Variants in TDO2 observed in about 807,000 individuals in gnomAD.
TDO2 encodes tryptamin 2,3-dioxygenase.
A neutral mutation model predicts 61.2 loss-of-function variants in TDO2; 63 were observed. The ratio of observed to expected loss-of-function variants is 1.03; its 90% CI spans 0.84 to 1.27. The LOEUF (loss-of-function observed/expected upper bound fraction) is 1.27, where lower values mean the gene tolerates loss of function less well. TDO2 is among the 50% of genes most tolerant of loss of function. The pLI is 0.00. For synonymous variants in TDO2, 183 were observed against 164.0 expected, an observed-to-expected ratio of 1.12 and a Z score of -0.89; for missense variants, 494 against 469.5, an observed-to-expected ratio of 1.05 and a Z score of -0.48.
chr4:155,918,078 C>G, intron 10 of TDO2, 71 bp from the exon 11 acceptor site: 1 of 1,438,336 alleles, frequency 7.0e-7, no homozygotes, highest in Non-Finnish European at 9.7e-7. Flanking sequence ...ATTACCAACC[C>G]CTCATTGTTA....
chr4:155,914,312 T>C lies in TDO2; in HGVS notation c.727-11T>C. ...TCTCTCAGGACTATTAATGCCATAT[T>C]TTTCCTAAAGGCTAAAGAAGAGTCT... On this transcript the variant is annotated splice_polypyrimidine_tract_variant and intron_variant, in intron 7 of 11. Transcript: ENST00000536354. 1.3e-6 allele frequency: 2 copies of C among 1,592,652 alleles called. No homozygotes were observed. The highest frequency in any genetic ancestry group is 1.2e-5 in the South Asian group (1 of 86,584).
intron 5 of TDO2, among the ~76,000 whole-genome samples, chr4:155,909,499 T>C (rs182070487): frequency 6.6e-6 from 1 of 152,214 alleles, no homozygotes; most frequent in Admixed American, 6.5e-5. Flanking sequence ...GAAACTTCCA[T>C]TGGGTGTAGG....
chr4:155,914,627 T>C (rs1259592154), intron 8 of TDO2, among the ~76,000 whole-genome samples, 193 bp downstream of exon 8: 1 of 152,226 alleles, frequency 6.6e-6, no homozygotes, highest in Middle Eastern at 3.4e-3. Context: ...CCAGATTATT[T>C]GAAAAACATT....
rs375801975 is a variant in TDO2, at chr4:155,908,933, G to T, written c.350G>T (p.Arg117Leu). ...NMLKVVSRMH[R>L]VSVILKLLVQ... ...CTTAAGGTTGTTTCTCGGATGCACC[G>T]AGTGTCAGTGATCCTGAAACTGCTG... The change falls in exon 5 of 12, where the codon CGA (arginine) becomes CTA (leucine). Residue 117 changes from arginine (R) to leucine (L), a missense_variant. Physicochemically the swap from Arg to Leu is moderately radical, Grantham distance 102. Transcript: ENST00000536354. 79 of 1,612,968 alleles carry T rather than the reference G, an allele frequency of 4.9e-5. No individual in the cohort carries two copies. The highest frequency in any genetic ancestry group is 6.4e-5 in the Non-Finnish European group (75 of 1,179,648).
intron 2 of TDO2, among the ~76,000 whole-genome samples, 199 bp from the exon 3 acceptor site, chr4:155,904,867 AT>A (rs528599021): frequency 8.3e-4 from 126 of 152,224 alleles, no homozygotes; most frequent in African/African-American, 2.9e-3. Flanking sequence ...CCAAATAGAA[AT>A]TTTCTGAGAA....
rs747021950 is a variant in TDO2 at position 155,908,937 on chromosome 4, G to T, written c.354G>T (p.Val118=). The T allele has an allele frequency of 1.2e-6, 2 of 1,613,226 alleles. No individual in the cohort carries two copies. The highest frequency in any genetic ancestry group is 1.7e-5 in the Admixed American group (1 of 59,874). The change falls in exon 5 of 12, where the codon GTG becomes GTT. Residue 118 remains valine (V), a synonymous_variant. Transcript: ENST00000536354. ...MLKVVSRMHR[V]SVILKLLVQQ... is the part of the protein sequence containing the mutation. ...AGGTTGTTTCTCGGATGCACCGAGTGTCAGTGATCCTGAAACTGCTGGTGC... is the reference window on the plus strand; with the variant it reads ...AGGTTGTTTCTCGGATGCACCGAGTTTCAGTGATCCTGAAACTGCTGGTGC...
chr4:155,910,082 C>T lies in TDO2; in HGVS notation c.489C>T (p.Asn163=), dbSNP rs1185873521. The change falls in exon 6 of 12, where the codon AAC becomes AAT. Residue 163 remains asparagine, a synonymous_variant. Transcript: ENST00000536354. ...GTTTGCAATTCCGACTATTAGAAAA[C>T]AAGATAGGTGTTCTTCAGAACATGA... ...FQSLQFRLLE[N]KIGVLQNMRV... 8 of 1,593,050 alleles carry T rather than the reference C, an allele frequency of 5.0e-6. No individual in the cohort carries two copies. In the Admixed American group the frequency reaches 1.4e-4, roughly 29 times the overall value.
intron 3 of TDO2, chr4:155,905,477 A>C (rs3796551): frequency 0.12 from 26,140 of 225,064 alleles, 1,774 homozygotes; most frequent in South Asian, 0.2. Flanking sequence ...GGAACACTAA[A>C]AAACTATTTT....
rs767405354 is a variant in TDO2 at position 155,915,836 on chromosome 4, T to C, written c.839-19T>C. ...CCTTAAATGACCTAAAAAATTTAAA[T>C]TTAGTATGTATTTTGCAGGTGAAAG... On this transcript the variant is annotated intron_variant, in intron 8 of 11. Transcript: ENST00000536354. 5 of 1,596,798 alleles carry C rather than the reference T, an allele frequency of 3.1e-6. No homozygotes were observed. Among genetic ancestry groups the C allele is most frequent in the Non-Finnish European group, 8.5e-7 (1 of 1,174,470 alleles).
At position 155,914,328 on chromosome 4, in the gene TDO2, A is replaced by G. The variant is rs750304142; in HGVS notation, c.732A>G (p.Lys244=). ...ATGCCATATTTTTCCTAAAGGCTAA[A>G]GAAGAGTCTGAAGAAAAAGAGGAAC... is the stretch of plus-strand genomic sequence containing the variant. ...LEEEFIRIQA[K]EESEEKEEQV... is the part of the protein sequence containing the mutation. Residue 244 remains lysine, a synonymous_variant, in exon 8 of 12, where the codon AAA becomes AAG. Transcript: ENST00000536354. 1.9e-6 allele frequency: 3 copies of G among 1,605,110 alleles called. No individual in the cohort carries two copies. In the South Asian group the frequency reaches 3.4e-5, roughly 18 times the overall value.
At position 155,908,919 on chromosome 4, in the gene TDO2, T is replaced by G; in HGVS notation, c.336T>G (p.Val112=). 1 of 1,612,862 alleles carries G rather than the reference T, an allele frequency of 6.2e-7. No individual in the cohort carries two copies. The highest frequency in any genetic ancestry group is 1.1e-5 in the South Asian group (1 of 90,776). The change falls in exon 5 of 12, where the codon GTT becomes GTG. Residue 112 remains valine (V), a synonymous_variant. Coordinates refer to ENST00000536354, the MANE Select transcript of TDO2 (RefSeq NM_005651.4). ...ATGAAAGGAACATGCTTAAGGTTGT[T>G]TCTCGGATGCACCGAGTGTCAGTGA... ...VRDERNMLKV[V]SRMHRVSVIL... is the part of the protein sequence containing the mutation.
intron 3 of TDO2, chr4:155,906,202 T>C (rs1357243420): frequency 2.0e-5 from 3 of 152,106 alleles, no homozygotes; most frequent in Non-Finnish European, 4.4e-5. Flanking sequence ...AATAAGATAA[T>C]GTGCATCAAG....
chr4:155,914,273 C>A, intron 7 of TDO2, 50 bp from the exon 8 acceptor site: 1 of 1,388,036 alleles, frequency 7.2e-7, no homozygotes, highest in East Asian at 2.4e-5. Context: ...TCTAAAATAT[C>A]AATCTACTTA....
intron 4 of TDO2, 77 bp from the exon 5 acceptor site, chr4:155,908,810 A>T (rs1579326818): frequency 6.8e-7 from 1 of 1,465,970 alleles, no homozygotes. Flanking sequence ...AATTAATGGG[A>T]ATTCATTGCC....
intron 3 of TDO2, chr4:155,906,145 T>G (rs759283479): frequency 6.6e-6 from 1 of 152,146 alleles, no homozygotes; most frequent in Non-Finnish European, 1.5e-5. Context: ...ATACGTAAAA[T>G]GGAGAGAATT....
intron 8 of TDO2, among the ~76,000 whole-genome samples, chr4:155,915,028 A>T (rs1238208475): frequency 6.6e-6 from 1 of 152,042 alleles, no homozygotes; most frequent in Non-Finnish European, 1.5e-5. Flanking sequence ...TGTGTGGGTG[A>T]GTTCTTTCAT....
rs187651074 is a variant in TDO2, at chr4:155,904,313, G to A, written c.141+190G>A. Among the ~76,000 whole-genome samples, 484 of 152,238 alleles carry A rather than the reference G, an allele frequency of 3.2e-3. 2 individuals are homozygous for A. The highest frequency in any genetic ancestry group is 0.02 in the Middle Eastern group (6 of 294). On this transcript the variant is annotated intron_variant, in intron 2 of 11. Coordinates refer to ENST00000536354, the MANE Select transcript of TDO2 (RefSeq NM_005651.4). ...TTAGAATAATTCAAGAGACTTATAG[G>A]ATAAAATTCATATCTCCAGTGGAAG...
rs576686157 is a variant in TDO2, at chr4:155,907,792, T to C, written c.303T>C (p.His101=). ...DSVREIFQNG[H]VRDERNMLKV... ...TTCGAGAGATCTTTCAGAATGGCCATGTAAGTTCTTATGTCACAATATTGG... is the reference window on the plus strand; with the variant it reads ...TTCGAGAGATCTTTCAGAATGGCCACGTAAGTTCTTATGTCACAATATTGG... Residue 101 remains histidine, a splice_region_variant and synonymous_variant, in exon 4 of 12, where the codon CAT becomes CAC. Coordinates refer to ENST00000536354, the MANE Select transcript of TDO2 (RefSeq NM_005651.4). 11 of 1,610,868 alleles carry C rather than the reference T, an allele frequency of 6.8e-6. No individual in the cohort carries two copies. The African/African-American group carries it at 9.3e-5, about 14-fold the overall frequency.
At position 155,917,576 on chromosome 4, in the gene TDO2, C is replaced by G. The variant is rs553448672; in HGVS notation, c.976+102C>G. The G allele has an allele frequency of 1.2e-4, 112 of 960,728 alleles. 1 individual carries two copies. In the African/African-American group the frequency reaches 1.2e-3, roughly 11 times the overall value. The allele number at this position is 960,728 out of a possible 1,614,324, so 59.5% of individuals were successfully genotyped here. A position where few individuals can be genotyped will look rare whatever the true frequency, so the allele number is the denominator to read the frequency against. On this transcript the variant is annotated intron_variant, in intron 10 of 11. Transcript: ENST00000536354. ...CCTCCTGCCCACTTTCTCTCTTTCCCCCTCCTTTGTGTGTGGGTGCATTCT... is the reference window on the plus strand; with the variant it reads ...CCTCCTGCCCACTTTCTCTCTTTCCGCCTCCTTTGTGTGTGGGTGCATTCT...
Sources: allele counts gnomAD v4.1 joint callset (sites outside exome capture counted in the v4.1 genomes callset), GRCh38; gene constraint gnomAD v4.1.1; transcripts MANE v1.5; gene names NCBI Gene and HGNC (gene_info 2026-07-23, HGNC 2026-07-21).